RTN4: variants seen among roughly 807,000 people sequenced by gnomAD.
The protein encoded by RTN4 is reticulon 4, also known as reticulon-4.
A neutral mutation model predicts 90.4 loss-of-function variants in RTN4; 32 were observed. That is an observed-to-expected ratio of 0.35 (90% CI 0.27 to 0.48). RTN4 has a LOEUF of 0.48. Among genes scored for constraint, RTN4 ranks in the 20% least tolerant of loss-of-function variants. The probability of loss-of-function intolerance (pLI) is 0.99; values close to 1 mark genes in which losing one functional copy is unlikely to be tolerated. For synonymous variants in RTN4, 629 were observed against 552.5 expected (o/e 1.14, Z -1.94); for missense variants, 1,706 against 1,430.2 (o/e 1.19, Z -3.11).
intron 2 of RTN4, among the ~76,000 whole-genome samples, chr2:55,078,262 T>A (rs1001794089): frequency 2.6e-5 from 4 of 152,210 alleles, no homozygotes; most frequent in Non-Finnish European, 5.9e-5. Flanking sequence ...TACTATTTTT[T>A]GAGGCTTGCT....
At position 55,013,015 on chromosome 2, in the gene RTN4, T is replaced by C. The variant is rs559693796; in HGVS notation, c.3013+12071A>G. Among the ~76,000 whole-genome samples the C allele has an allele frequency of 2.0e-5, 3 of 152,312 alleles. No homozygotes were observed. In the East Asian group the frequency reaches 5.8e-4, roughly 29 times the overall value. On this transcript the variant is annotated intron_variant, in intron 3 of 8. Transcript: ENST00000337526. ...AAATTAATTCTTTTGAGGACAATTT[T>C]CAAGTAGAGCACATGTCTCAACTTG...
chr2:55,031,514 G>A (rs928545028), intron 1 of RTN4, among the ~76,000 whole-genome samples: 2 of 152,178 alleles, frequency 1.3e-5, no homozygotes, highest in African/African-American at 2.4e-5. Context: ...CACAAGACTC[G>A]GCAAGGCCTA....
intron 3 of RTN4, among the ~76,000 whole-genome samples, chr2:54,993,544 T>G (rs572138654): frequency 6.6e-6 from 1 of 152,208 alleles, no homozygotes. Context: ...AACCTACCAC[T>G]TCCTTTCCTC....
At chr2:55,012,176 T>G (rs1009840628) in intron 3 of RTN4, among the ~76,000 whole-genome samples, 1 of 152,202 alleles carries the variant, frequency 6.6e-6, no homozygotes, top group Non-Finnish European at 1.5e-5. Context: ...ACTCGGCACT[T>G]AAGACTACTT....
chr2:55,048,227 C>G (rs1667878899), intron 1 of RTN4, among the ~76,000 whole-genome samples: 1 of 152,210 alleles, frequency 6.6e-6, no homozygotes, highest in Non-Finnish European at 1.5e-5. Flanking sequence ...GCTTGCCAGC[C>G]TGGAAGCTGC....
chr2:55,020,245 A>T (rs1681327328), intron 3 of RTN4, among the ~76,000 whole-genome samples: 1 of 152,326 alleles, frequency 6.6e-6, no homozygotes, highest in South Asian at 2.1e-4. Flanking sequence ...AAAAAGCAAA[A>T]GCAATCCTGA....
chr2:55,054,809 C>T (rs1668161351), upstream of RTN4, among the ~76,000 whole-genome samples: 1 of 152,136 alleles, frequency 6.6e-6, no homozygotes, highest in South Asian at 2.1e-4. Flanking sequence ...TTTTGGCACC[C>T]TTAAGTGAAA....
At chr2:55,067,147 G>T (rs1668408299) in intron 2 of RTN4, among the ~76,000 whole-genome samples, 2 of 152,052 alleles carry the variant, frequency 1.3e-5, no homozygotes, top group Non-Finnish European at 2.9e-5. Flanking sequence ...AAAATCTAGG[G>T]TTAATGTCCA....
chr2:55,089,931 T>C (rs1257827680), intron 1 of RTN4, among the ~76,000 whole-genome samples: 1 of 152,082 alleles, frequency 6.6e-6, no homozygotes, highest in Non-Finnish European at 1.5e-5. Context: ...CTAGACTGAC[T>C]CCCCTCCCCT....
chr2:55,123,128 C>A, the RTN4 span, among the ~76,000 whole-genome samples: 3 of 151,934 alleles, frequency 2.0e-5, no homozygotes, highest in African/African-American at 7.3e-5. Context: ...CAATTATTAA[C>A]CACAAAGAAA....
upstream of RTN4, among the ~76,000 whole-genome samples, chr2:55,114,247 T>C (rs528756140): frequency 6.6e-6 from 1 of 152,338 alleles, no homozygotes; most frequent in African/African-American, 2.4e-5. Flanking sequence ...GCACCAAGTG[T>C]TGGTTTGTTC....
intron 1 of RTN4, among the ~76,000 whole-genome samples, chr2:55,102,367 G>GACCATGC (rs1425377261): frequency 2.6e-5 from 4 of 152,250 alleles, no homozygotes; most frequent in Middle Eastern, 6.8e-3. Context: ...GTGGACCATG[G>GACCATGC]ACCATGCTGT....
In RTN4 at chr2:55,083,011, G is replaced by A. The variant is rs143392761; in HGVS notation, c.-213-2372C>T. Among the ~76,000 whole-genome samples, 18 of 151,996 alleles carry A rather than the reference G, an allele frequency of 1.2e-4. No individual in the cohort carries two copies. The East Asian group carries it at 2.7e-3, about 23-fold the overall frequency. ...TCAGGTCTAAAGCTTTTCAAATTTC[G>A]TGTTTTACCCACCAAGCTGCATTAT... On this transcript the variant is annotated intron_variant, in intron 1 of 3. Transcript: ENST00000427710.
chr2:54,979,569 G>T (rs539164811), intron 5 of RTN4, among the ~76,000 whole-genome samples: 1 of 152,226 alleles, frequency 6.6e-6, no homozygotes, highest in Non-Finnish European at 1.5e-5. Flanking sequence ...ACAAACACAT[G>T]GAATCTGTAC....
chr2:54,973,968 G>A, intron 6 of RTN4, 101 bp from the exon 7 acceptor site: 1 of 1,001,630 alleles, frequency 1.0e-6, no homozygotes, highest in Non-Finnish European at 1.5e-6. Context: ...TAACCAAGCA[G>A]TGTTCCTAAT....
intron 3 of RTN4, among the ~76,000 whole-genome samples, chr2:55,007,910 C>A (rs370549984): frequency 6.6e-6 from 1 of 152,176 alleles, no homozygotes; most frequent in East Asian, 1.9e-4. Flanking sequence ...CATTCTCCTA[C>A]CCCATCCAAA....
At chr2:55,030,650 G>A (rs1682237758) in intron 1 of RTN4, among the ~76,000 whole-genome samples, 1 of 152,154 alleles carries the variant, frequency 6.6e-6, no homozygotes, top group Non-Finnish European at 1.5e-5. Context: ...GAAACAACTT[G>A]CCCTAAGTCA....
intron 1 of RTN4, among the ~76,000 whole-genome samples, chr2:55,082,591 TA>T (rs935185928): frequency 2.6e-5 from 4 of 152,230 alleles, no homozygotes; most frequent in Non-Finnish European, 5.9e-5. Flanking sequence ...AAAATAATCC[TA>T]AATTTCTGCA....
Position 55,027,186 on chromosome 2 carries a change from T to G in RTN4, c.913A>C (p.Ser305Arg), listed in dbSNP as rs757468454. 6.2e-7 allele frequency: 1 copy of G among 1,613,706 alleles called. No homozygotes were observed. The highest frequency in any genetic ancestry group is 1.1e-5 in the South Asian group (1 of 91,078). ...LEYSEMGSSF[S>R]VSPKAESAVI... ...GCAGATTCTGCTTTTGGAGAGACAC[T>G]GAACGATGATCCCATTTCTGAGTAT... The change falls in exon 3 of 9, where the codon AGT becomes CGT. Residue 305 changes from serine to arginine, a missense_variant. By Grantham distance (110) the Ser-to-Arg change is moderately radical. Coordinates refer to ENST00000337526, the MANE Select transcript of RTN4 (RefSeq NM_020532.5).
Sources: gnomAD v4.1 joint callset for allele counts (sites outside exome capture counted in the v4.1 genomes callset) on GRCh38, gnomAD v4.1.1 for gene constraint, MANE v1.5 for transcripts, NCBI Gene and HGNC (gene_info 2026-07-23, HGNC 2026-07-21) for gene names.